OSMR: variants seen among roughly 807,000 people sequenced by gnomAD.
OSMR encodes oncostatin-M-specific receptor subunit beta.
A neutral mutation model predicts 99.9 loss-of-function variants in OSMR; 81 were observed. The observed-to-expected ratio is 0.81, with a 90% CI of 0.68 to 0.97. The LOEUF (loss-of-function observed/expected upper bound fraction) is 0.97. Among genes scored for constraint, OSMR ranks in the 50% least tolerant of loss-of-function variants. The pLI, the probability that OSMR is intolerant of heterozygous loss-of-function variation, is 0.00. For synonymous variants in OSMR, 406 were observed against 410.4 expected (o/e 0.99, Z 0.13); for missense variants, 1,099 against 1,153.4 (o/e 0.95, Z 0.68).
At chr5:38,850,451 G>C (rs376480316) in intron 1 of OSMR, among the ~76,000 whole-genome samples, 1 of 152,074 alleles carries the variant, frequency 6.6e-6, no homozygotes, top group South Asian at 2.1e-4. Context: ...TGGTGAGATC[G>C]CTAAATAGAA....
chr5:38,921,380 CT>C, intron 11 of OSMR: 1 of 571,578 alleles, frequency 1.7e-6, no homozygotes, highest in Non-Finnish European at 2.2e-6. Flanking sequence ...TCTGGTTGGG[CT>C]TCAGAAGGTC....
intron 7 of OSMR, among the ~76,000 whole-genome samples, chr5:38,900,216 G>T (rs1028697448): frequency 2.2e-4 from 34 of 152,266 alleles, no homozygotes; most frequent in African/African-American, 7.2e-4. Context: ...TGAATTCCAT[G>T]CAGTCTCTCA....
intron 4 of OSMR, among the ~76,000 whole-genome samples, chr5:38,883,486 A>G (rs1418195188): frequency 6.6e-6 from 1 of 152,256 alleles, no homozygotes; most frequent in African/African-American, 2.4e-5. Context: ...GATAATGTAC[A>G]TAAACACTTA....
At chr5:38,903,821 T>C (rs11949864) in intron 7 of OSMR, 61 bp from the exon 8 acceptor site, 261,245 of 1,568,842 alleles carry the variant, frequency 0.17, 23,083 homozygotes, top group African/African-American at 0.24. Context: ...AACTGCCTAT[T>C]ACCAATGTCT....
At chr5:38,882,655 G>T (rs1379097188) in intron 4 of OSMR, among the ~76,000 whole-genome samples, 1 of 152,134 alleles carries the variant, frequency 6.6e-6, no homozygotes, top group African/African-American at 2.4e-5. Context: ...TGGGGGGAAG[G>T]GGGGTGGAAT....
intron 1 of OSMR, among the ~76,000 whole-genome samples, chr5:38,855,312 T>G (rs551345770): frequency 6.6e-6 from 1 of 152,172 alleles, no homozygotes; most frequent in East Asian, 1.9e-4. Context: ...GTGTAAGCAC[T>G]GAGGATGCCT....
chr5:38,924,638 T>C, intron 14 of OSMR, 43 bp downstream of exon 14: 1 of 1,443,822 alleles, frequency 6.9e-7, no homozygotes, highest in Non-Finnish European at 9.8e-7. Flanking sequence ...TTTCAAGATC[T>C]CATTATTTGA....
chr5:38,912,701 C>T (rs111914719), intron 9 of OSMR, among the ~76,000 whole-genome samples: 219 of 152,232 alleles, frequency 1.4e-3, no homozygotes, highest in African/African-American at 5.0e-3. Flanking sequence ...GTAACCAAAA[C>T]ATCATGGTAC....
chr5:38,932,066 A>AT (rs1746778243), intron 16 of OSMR, 102 bp downstream of exon 16: 8 of 941,110 alleles, frequency 8.5e-6, no homozygotes, highest in East Asian at 2.4e-5. Context: ...GAAACAACGT[A>AT]TAAAAAAGGA....
chr5:38,913,246 C>G (rs1318281736), intron 9 of OSMR, among the ~76,000 whole-genome samples: 2 of 151,884 alleles, frequency 1.3e-5, no homozygotes, highest in African/African-American at 2.4e-5. Flanking sequence ...AGCAAACAAC[C>G]CCATTAAAAA....
At chr5:38,931,531 G>A (rs1251096771) in intron 15 of OSMR, among the ~76,000 whole-genome samples, 2 of 152,246 alleles carry the variant, frequency 1.3e-5, no homozygotes, top group African/African-American at 2.4e-5. Flanking sequence ...CAATGCACAT[G>A]GCTGAGCCCC....
intron 1 of OSMR, among the ~76,000 whole-genome samples, chr5:38,867,301 A>G (rs1448336818): frequency 6.6e-6 from 1 of 152,164 alleles, no homozygotes; most frequent in Non-Finnish European, 1.5e-5. Context: ...ACCCTAGAAT[A>G]ATTTGATGAT....
intron 1 of OSMR, chr5:38,942,743 A>C: frequency 9.3e-7 from 1 of 1,077,690 alleles, no homozygotes; most frequent in Non-Finnish European, 1.4e-6. Flanking sequence ...GGCATGAGTC[A>C]CCACACCCAG....
At chr5:38,888,561 A>G (rs1255302132) in intron 7 of OSMR, among the ~76,000 whole-genome samples, 1 of 152,204 alleles carries the variant, frequency 6.6e-6, no homozygotes, top group African/African-American at 2.4e-5. Flanking sequence ...GCACTTAAAA[A>G]TTTCCTGAAA....
rs73083348 is a variant in OSMR at position 38,903,094 on chromosome 5, T to A, written c.992-788T>A. Among the ~76,000 whole-genome samples the A allele has an allele frequency of 3.3e-3, 504 of 152,320 alleles. 1 individual carries two copies. The highest frequency in any genetic ancestry group is 0.012 in the African/African-American group (479 of 41,576). On this transcript the variant is annotated intron_variant, in intron 7 of 17. Transcript: ENST00000274276. ...CCAATGAGCCATTGTTCTGTCAGAT[T>A]GAATCCTGCTTGCTGTGCCAATTTT... is the stretch of plus-strand genomic sequence containing the variant.
chr5:38,871,512 A>C (rs1742388425), intron 2 of OSMR, among the ~76,000 whole-genome samples: 1 of 152,162 alleles, frequency 6.6e-6, no homozygotes, highest in Admixed American at 6.5e-5. Flanking sequence ...CTTACCACTT[A>C]ATCACCCAGC....
intron 2 of OSMR, 34 bp from the exon 3 acceptor site, chr5:38,876,167 A>C (rs1268426211): frequency 6.3e-7 from 1 of 1,593,666 alleles, no homozygotes; most frequent in Non-Finnish European, 8.6e-7. Flanking sequence ...GCTCCTATTA[A>C]ATATTATTTC....
At chr5:38,898,488 T>C (rs988879251) in intron 7 of OSMR, among the ~76,000 whole-genome samples, 4 of 152,186 alleles carry the variant, frequency 2.6e-5, no homozygotes, top group Non-Finnish European at 5.9e-5. Context: ...ATATGTGCCT[T>C]TATAGGCTAA....
chr5:38,894,645 A>G (rs1468277362), intron 7 of OSMR, among the ~76,000 whole-genome samples: 1 of 152,162 alleles, frequency 6.6e-6, no homozygotes, highest in Admixed American at 6.5e-5. Context: ...AAGAAGACTT[A>G]TTGATTCTAA....
Sources: allele counts gnomAD v4.1 joint callset (sites outside exome capture counted in the v4.1 genomes callset), GRCh38; gene constraint gnomAD v4.1.1; transcripts MANE v1.5; gene names NCBI Gene and HGNC (gene_info 2026-07-23, HGNC 2026-07-21).